Variants in ZNF536 observed in about 807,000 individuals in gnomAD.
The protein encoded by ZNF536 is zinc finger protein 536.
A neutral mutation model predicts 84.5 loss-of-function variants in ZNF536; 13 were observed. The observed-to-expected ratio is 0.15, with a 90% CI of 0.10 to 0.24. The LOEUF (loss-of-function observed/expected upper bound fraction) is 0.24, where lower values mean the gene tolerates loss of function less well. Ranked by LOEUF, ZNF536 falls within the 10% of genes least tolerant of loss-of-function variation. The pLI, the probability that ZNF536 is intolerant of heterozygous loss-of-function variation, is 1.00. For missense variants in ZNF536, 1,536 were observed against 1,747.5 expected (o/e 0.88, Z 2.16); for synonymous variants, 811 against 742.5 (o/e 1.09, Z -1.50).
At chr19:30,239,379 G>C (rs1384800908) in intron 1 of ZNF536, among the ~76,000 whole-genome samples, 1 of 152,236 alleles carries the variant, frequency 6.6e-6, no homozygotes, top group African/African-American at 2.4e-5. Flanking sequence ...GCTGCTGGTA[G>C]GTAGCAGTGC....
At chr19:30,603,599 T>A (rs1184322553) in intron 1 of ZNF536, among the ~76,000 whole-genome samples, 1 of 152,206 alleles carries the variant, frequency 6.6e-6, no homozygotes, top group African/African-American at 2.4e-5. Flanking sequence ...ACATATAATT[T>A]AAAAATTAAT....
chr19:30,655,930 C>A (rs1461402256), intron 1 of ZNF536, among the ~76,000 whole-genome samples: 1 of 151,978 alleles, frequency 6.6e-6, no homozygotes. Flanking sequence ...TCCCAGCTAC[C>A]TGGGAGGCTG....
At chr19:30,228,347 C>T (rs190232077), upstream of ZNF536, 2 of 152,234 alleles carry the variant, frequency 1.3e-5, no homozygotes, top group African/African-American at 4.8e-5. The surrounding 1 kb of genome is among the most constrained non-coding windows in gnomAD (Gnocchi z 4.5). Flanking sequence ...AGGGCCCCCG[C>T]CCCCGCCGGG....
intron 3 of ZNF536, among the ~76,000 whole-genome samples, chr19:30,363,495 C>T (rs1217177452): frequency 6.6e-6 from 1 of 151,972 alleles, no homozygotes; most frequent in African/African-American, 2.4e-5. Context: ...ATACACAGAG[C>T]CTGGCTACTC....
chr19:30,233,179 T>A (rs2023203760), intron 1 of ZNF536, among the ~76,000 whole-genome samples: 1 of 148,456 alleles, frequency 6.7e-6, no homozygotes, highest in East Asian at 2.0e-4. Context: ...TCTGACTGCT[T>A]AGAGGTCAAT....
chr19:30,562,526 C>T (rs1275767258), downstream of ZNF536, among the ~76,000 whole-genome samples: 2 of 152,050 alleles, frequency 1.3e-5, no homozygotes, highest in Admixed American at 6.6e-5. Context: ...GCAAGAAAAA[C>T]CTGATTATCT....
intron 1 of ZNF536, among the ~76,000 whole-genome samples, chr19:30,234,466 A>G (rs1395281114): frequency 6.9e-6 from 1 of 144,594 alleles, no homozygotes; most frequent in African/African-American, 2.6e-5. Flanking sequence ...CAGTGGTGCA[A>G]TCTTGGCTCA....
intron 1 of ZNF536, among the ~76,000 whole-genome samples, chr19:30,421,767 C>T (rs1790576051): frequency 6.6e-6 from 1 of 152,212 alleles, no homozygotes; most frequent in South Asian, 2.1e-4. Flanking sequence ...AGAGAAGCCC[C>T]TTCCAGCCCC....
intron 2 of ZNF536, among the ~76,000 whole-genome samples, chr19:30,330,164 A>G (rs1180323462): frequency 6.6e-6 from 1 of 152,202 alleles, no homozygotes; most frequent in Non-Finnish European, 1.5e-5. Context: ...AATAGATCAC[A>G]TACTTTATTC....
intron 1 of ZNF536, among the ~76,000 whole-genome samples, chr19:30,599,452 T>C (rs868200228): frequency 0.028 from 133 of 4,772 alleles, 2 homozygotes; most frequent in African/African-American, 0.081. Flanking sequence ...CCCTCCTTCC[T>C]TCCCTCCCTC....
chr19:30,446,886 G>T (rs1198344299), intron 2 of ZNF536, among the ~76,000 whole-genome samples: 1 of 151,814 alleles, frequency 6.6e-6, no homozygotes, highest in East Asian at 1.9e-4. Flanking sequence ...CCACCTAACA[G>T]CAGGTAAGGC....
chr19:30,571,866 T>C lies in ZNF536; in HGVS notation c.169+22352T>C, dbSNP rs557309874. Among the ~76,000 whole-genome samples the C allele has an allele frequency of 1.2e-4, 19 of 152,304 alleles. No individual in the cohort carries two copies. The South Asian group carries it at 2.1e-3, about 17-fold the overall frequency. On this transcript the variant is annotated intron_variant, in intron 1 of 1. Transcript: ENST00000592773. ...AGGCTATCAGAGATAGAAGTCATCTTAGAGGTCACATTTGATAGGGAGGTT... is the reference window on the plus strand; with the variant it reads ...AGGCTATCAGAGATAGAAGTCATCTCAGAGGTCACATTTGATAGGGAGGTT...
intron 2 of ZNF536, among the ~76,000 whole-genome samples, chr19:30,346,875 G>A (rs887592936): frequency 2.6e-5 from 4 of 152,152 alleles, no homozygotes; most frequent in Admixed American, 1.3e-4. Context: ...TAATGGGATT[G>A]CTAGGTCAAA....
chr19:30,597,374 T>C lies in ZNF536; in HGVS notation c.169+47860T>C, dbSNP rs191488797. Among the ~76,000 whole-genome samples, 428 of 152,292 alleles carry C rather than the reference T, an allele frequency of 2.8e-3. 2 individuals carry two copies. Among genetic ancestry groups the C allele is most frequent in the African/African-American group, 9.3e-3 (388 of 41,564 alleles). On this transcript the variant is annotated intron_variant, in intron 1 of 1. Coordinates refer to the ZNF536 transcript ENST00000592773. Reference sequence around the variant, plus strand: ...GGCCTGACCCGGGCCATCATGGGCATCCCCCTCTAGAAAACACGGCCAATA... The same window carrying C: ...GGCCTGACCCGGGCCATCATGGGCACCCCCCTCTAGAAAACACGGCCAATA...
chr19:30,345,530 G>A (rs1380228161), intron 2 of ZNF536, among the ~76,000 whole-genome samples: 1 of 152,222 alleles, frequency 6.6e-6, no homozygotes, highest in African/African-American at 2.4e-5. Context: ...AAGGTGGCAG[G>A]CAACGTGGTT....
intron 2 of ZNF536, among the ~76,000 whole-genome samples, chr19:30,494,854 G>A (rs1279320496): frequency 4.0e-5 from 6 of 148,712 alleles, no homozygotes; most frequent in African/African-American, 1.5e-4. Flanking sequence ...GCTGAGGCAG[G>A]AGAATTGCCT....
In ZNF536 at chr19:30,253,855, G is replaced by A. The variant is rs567974450; in HGVS notation, c.-190+25182G>A. ...CTTAGTCATAGGAAAGGGAACAAGCGTCGCAAATAAAAGCCTCATCAGATT... is the reference window on the plus strand; with the variant it reads ...CTTAGTCATAGGAAAGGGAACAAGCATCGCAAATAAAAGCCTCATCAGATT... On this transcript the variant is annotated intron_variant, in intron 1 of 5. Transcript: ENST00000585628. Among the ~76,000 whole-genome samples the A allele has an allele frequency of 1.2e-4, 19 of 152,226 alleles. No individual in the cohort carries two copies. The South Asian group carries it at 3.1e-3, about 25-fold the overall frequency.
intron 2 of ZNF536, among the ~76,000 whole-genome samples, chr19:30,526,747 A>G (rs1437399413): frequency 2.7e-5 from 4 of 148,126 alleles, no homozygotes; most frequent in Non-Finnish European, 4.5e-5. Flanking sequence ...AAAAAAAAAG[A>G]ACGGGTTCAG....
intron 2 of ZNF536, among the ~76,000 whole-genome samples, chr19:30,513,368 G>A (rs2055498269): frequency 6.6e-6 from 1 of 152,252 alleles, no homozygotes; most frequent in Non-Finnish European, 1.5e-5. Context: ...TACATCCCAG[G>A]TGCAACGACC....
Sources: gnomAD v4.1 joint callset for allele counts (sites outside exome capture counted in the v4.1 genomes callset) on GRCh38, gnomAD v4.1.1 for gene constraint, Gnocchi (gnomAD v3.1) non-coding constraint, MANE v1.5 for transcripts, NCBI Gene and HGNC (gene_info 2026-07-23, HGNC 2026-07-21) for gene names.